The following CRACR2A variants were observed in gnomAD, a reference collection of about 807,000 sequenced individuals.
CRACR2A encodes the protein calcium release activated channel regulator 2A.
CRACR2A carries 79 observed loss-of-function variants against 90.5 expected under a neutral mutation model. The ratio of observed to expected loss-of-function variants is 0.87; its 90% CI spans 0.73 to 1.05. CRACR2A has a LOEUF of 1.05. Ranked by LOEUF, CRACR2A falls within the 50% of genes least tolerant of loss-of-function variation. The probability of loss-of-function intolerance (pLI) is 0.00; values close to 1 mark genes in which losing one functional copy is unlikely to be tolerated. For synonymous variants in CRACR2A, 338 were observed against 356.7 expected, an observed-to-expected ratio of 0.95 and a Z score of 0.59; for missense variants, 823 against 897.2, an observed-to-expected ratio of 0.92 and a Z score of 1.06.
At chr12:3,752,331 C>A in intron 1 of CRACR2A, among the ~76,000 whole-genome samples, 1 of 54,232 alleles carries the variant, frequency 1.8e-5, no homozygotes, top group South Asian at 8.4e-4. Context: ...CACTCGCACA[C>A]ACACGGACAC....
At chr12:3,652,355 T>A (rs1944808516) in intron 10 of CRACR2A, among the ~76,000 whole-genome samples, 1 of 152,212 alleles carries the variant, frequency 6.6e-6, no homozygotes, top group African/African-American at 2.4e-5. Flanking sequence ...GAGGAACTGA[T>A]TTTGCTTGTT....
chr12:3,739,035 C>CAA (rs55870176), intron 1 of CRACR2A, among the ~76,000 whole-genome samples: 74 of 148,034 alleles, frequency 5.0e-4, no homozygotes, highest in South Asian at 6.4e-4. Flanking sequence ...CATTATCTGA[C>CAA]AAAAAAAAAA....
intron 2 of CRACR2A, chr12:3,730,531 T>C (rs1490510288): frequency 6.6e-6 from 1 of 152,212 alleles, no homozygotes; most frequent in Non-Finnish European, 1.5e-5. Flanking sequence ...TCTTGTAATA[T>C]TAACAGCAAA....
chr12:3,630,188 C>T (rs1010742491), intron 15 of CRACR2A, among the ~76,000 whole-genome samples: 6 of 152,202 alleles, frequency 3.9e-5, no homozygotes, highest in Non-Finnish European at 7.3e-5. Context: ...GAGCATTCGA[C>T]CCTCACATCG....
chr12:3,748,312 T>G (rs1478106337), intron 1 of CRACR2A, among the ~76,000 whole-genome samples: 1 of 152,134 alleles, frequency 6.6e-6, no homozygotes, highest in Non-Finnish European at 1.5e-5. Flanking sequence ...TCCATGCATC[T>G]TCTAGAAACA....
rs542064926 is a variant in CRACR2A at position 3,693,328 on chromosome 12, G to A, written c.228+3444C>T. Among the ~76,000 whole-genome samples the A allele has an allele frequency of 4.2e-4, 64 of 152,320 alleles. 1 individual carries two copies. Among genetic ancestry groups the A allele is most frequent in the South Asian group, 1.5e-3 (7 of 4,826 alleles). ...ACCTGCGGCTGCTCCACAAGCAAGC[G>A]CATCCAGGCTGGGTCCCTCAGAGAG... On this transcript the variant is annotated intron_variant, in intron 4 of 19. Coordinates refer to ENST00000440314, the MANE Select transcript of CRACR2A (RefSeq NM_001144958.2).
chr12:3,665,229 A>G (rs1197801564), intron 7 of CRACR2A, among the ~76,000 whole-genome samples: 4 of 152,218 alleles, frequency 2.6e-5, no homozygotes, highest in Admixed American at 6.5e-5. Flanking sequence ...CATGAGCACT[A>G]ATATTTATCC....
At chr12:3,672,670 G>T in intron 7 of CRACR2A, 1 of 740,470 alleles carries the variant, frequency 1.4e-6, no homozygotes, top group Non-Finnish European at 1.6e-6. Flanking sequence ...CCATAACCAT[G>T]CATTAATTCT....
At chr12:3,728,860 C>T (rs1946314826) in intron 2 of CRACR2A, 1 of 152,208 alleles carries the variant, frequency 6.6e-6, no homozygotes, top group Non-Finnish European at 1.5e-5. Flanking sequence ...AAGGATGGCT[C>T]AATACCTTAG....
At chr12:3,700,785 C>G (rs780999088) in intron 3 of CRACR2A, among the ~76,000 whole-genome samples, 6 of 152,168 alleles carry the variant, frequency 3.9e-5, no homozygotes, top group Non-Finnish European at 7.4e-5. Context: ...ATAACTTTCT[C>G]TCTCAATAAT....
chr12:3,662,521 A>T (rs73047250), intron 7 of CRACR2A, among the ~76,000 whole-genome samples: 22,331 of 152,228 alleles, frequency 0.15, 1,828 homozygotes, highest in South Asian at 0.26. Context: ...GCCCTCAGTA[A>T]ATGTAAGGGA....
chr12:3,686,509 C>T (rs1426742361), intron 4 of CRACR2A, among the ~76,000 whole-genome samples: 1 of 152,074 alleles, frequency 6.6e-6, no homozygotes, highest in African/African-American at 2.4e-5. Flanking sequence ...TTTACTCCTC[C>T]AAAAAATCAG....
chr12:3,664,384 G>A (rs1339520502), intron 7 of CRACR2A, among the ~76,000 whole-genome samples: 2 of 151,958 alleles, frequency 1.3e-5, no homozygotes, highest in African/African-American at 4.8e-5. Context: ...TTGTACTTTT[G>A]CCTGACTAAT....
intron 7 of CRACR2A, among the ~76,000 whole-genome samples, chr12:3,665,814 A>G (rs1403285156): frequency 1.3e-5 from 2 of 152,244 alleles, no homozygotes; most frequent in Non-Finnish European, 2.9e-5. Flanking sequence ...AGAAGTCCAT[A>G]CATCCCACCA....
At chr12:3,730,630 A>C (rs1196073623) in intron 2 of CRACR2A, 1 of 152,190 alleles carries the variant, frequency 6.6e-6, no homozygotes, top group Non-Finnish European at 1.5e-5. Context: ...GTAAAAAAAG[A>C]ATGAGGAAGC....
intron 3 of CRACR2A, 68 bp from the exon 4 acceptor site, chr12:3,697,103 G>A (rs866571242): frequency 6.8e-7 from 1 of 1,477,224 alleles, no homozygotes; most frequent in Admixed American, 2.3e-5. Flanking sequence ...AAGAACAAGA[G>A]GGGATGAGAA....
At chr12:3,650,675 G>C (rs1218599409) in intron 10 of CRACR2A, among the ~76,000 whole-genome samples, 3 of 152,052 alleles carry the variant, frequency 2.0e-5, no homozygotes, top group Non-Finnish European at 2.9e-5. Flanking sequence ...GGGTGGCCAG[G>C]AGCTCACAGC....
At chr12:3,740,029 T>C (rs73249715) in intron 1 of CRACR2A, among the ~76,000 whole-genome samples, 1,531 of 152,118 alleles carry the variant, frequency 0.01, 27 homozygotes, top group African/African-American at 0.035. Flanking sequence ...GTGGTCACAG[T>C]GTTATGAGGT....
At chr12:3,670,337 C>T (rs1028215255) in intron 7 of CRACR2A, among the ~76,000 whole-genome samples, 2 of 152,140 alleles carry the variant, frequency 1.3e-5, no homozygotes, top group Non-Finnish European at 2.9e-5. Context: ...CACCAGAACC[C>T]GCTCTTCTTG....
Sources: allele counts gnomAD v4.1 joint callset (sites outside exome capture counted in the v4.1 genomes callset), GRCh38; gene constraint gnomAD v4.1.1; transcripts MANE v1.5; gene names NCBI Gene and HGNC (gene_info 2026-07-23, HGNC 2026-07-21).